The following SLAMF7 variants were observed in gnomAD, a reference collection of about 807,000 sequenced individuals.
The protein encoded by SLAMF7 is SLAM family member 7.
A neutral mutation model predicts 34.1 loss-of-function variants in SLAMF7; 26 were observed. The ratio of observed to expected loss-of-function variants is 0.76; its 90% confidence interval spans 0.56 to 1.06. The LOEUF is 1.06. Ranked by LOEUF, SLAMF7 falls within the 50% of genes least tolerant of loss-of-function variation. The pLI, the probability that SLAMF7 is intolerant of heterozygous loss-of-function variation, is 0.00. For synonymous variants in SLAMF7, 171 were observed against 156.4 expected (o/e 1.09, Z -0.70); for missense variants, 399 against 402.5 (o/e 0.99, Z 0.07).
chr1:160,740,277 T>G (rs1663627310), intron 1 of SLAMF7, among the ~76,000 whole-genome samples: 1 of 96,906 alleles, frequency 1.0e-5, no homozygotes. Flanking sequence ...GAATAGGCCC[T>G]CACTTTAAAA....
chr1:160,752,798 C>G (rs561965067), intron 6 of SLAMF7, among the ~76,000 whole-genome samples: 13 of 152,244 alleles, frequency 8.5e-5, no homozygotes, highest in Admixed American at 1.3e-4. Context: ...CTCTCCCAAA[C>G]AGATCCAAAA....
rs773942937 is a variant in SLAMF7, at chr1:160,748,256, C to T, written c.118C>T (p.Pro40Ser). ...VGSVGGAVTF[P>S]LKSKVKQVDS... Reference sequence around the variant, plus strand: ...TTCCGTTGGTGGGGCCGTGACTTTCCCCCTGAAGTCCAAAGTAAAGCAAGT... The same window carrying T: ...TTCCGTTGGTGGGGCCGTGACTTTCTCCCTGAAGTCCAAAGTAAAGCAAGT... Residue 40 changes from proline to serine, a missense_variant, in exon 2 of 7, where the codon CCC becomes TCC. Transcript: ENST00000368043. 13 of 1,613,900 alleles carry T rather than the reference C, an allele frequency of 8.1e-6. No individual in the cohort carries two copies. In the South Asian group the frequency reaches 1.3e-4, roughly 16 times the overall value.
At chr1:160,747,344 A>G (rs529323875) in intron 1 of SLAMF7, among the ~76,000 whole-genome samples, 1 of 152,240 alleles carries the variant, frequency 6.6e-6, no homozygotes, top group Admixed American at 6.5e-5. Context: ...CCTGATCCGT[A>G]AGATAGGGAT....
chr1:160,749,692 C>T (rs550483780), intron 2 of SLAMF7, 129 bp from the exon 3 acceptor site: 1 of 730,674 alleles, frequency 1.4e-6, no homozygotes, highest in African/African-American at 1.7e-5. Context: ...GAGGATTCTG[C>T]TCTGAATTAC....
chr1:160,750,565 C>G (rs1664489392), intron 4 of SLAMF7, 142 bp downstream of exon 4: 3 of 972,986 alleles, frequency 3.1e-6, no homozygotes, highest in Admixed American at 2.4e-5. Flanking sequence ...TCTCTGCCCT[C>G]AAGAAGCATA....
At chr1:160,751,676 G>A in intron 5 of SLAMF7, 1 of 467,784 alleles carries the variant, frequency 2.1e-6, no homozygotes, top group South Asian at 2.7e-5. Flanking sequence ...CTCATGCTGT[G>A]GTCTGTGAAA....
chr1:160,751,665 G>A, intron 5 of SLAMF7: 2 of 497,490 alleles, frequency 4.0e-6, no homozygotes, highest in South Asian at 4.8e-5. Flanking sequence ...GACTCACAAT[G>A]CTCATGCTGT....
Position 160,753,405 on chromosome 1 carries a change from C to A in SLAMF7, c.*228C>A. On this transcript the variant is annotated 3_prime_UTR_variant, in exon 7 of 7. Coordinates refer to ENST00000368043, the MANE Select transcript of SLAMF7 (RefSeq NM_021181.5). ...ACCCAGAAGGTTTAATCACTTCATC[C>A]CAAAAATGGGATTGTGAATGTCAGC... The A allele has an allele frequency of 5.7e-6, 3 of 528,192 alleles. No homozygotes were observed. Among genetic ancestry groups the A allele is most frequent in the Non-Finnish European group, 3.4e-6 (1 of 298,248 alleles). 32.7% of individuals were successfully genotyped at this position (528,192 alleles called of 1,614,324 possible). A position where few individuals can be genotyped will look rare whatever the true frequency, so the allele number is the denominator to read the frequency against.
At chr1:160,745,505 A>G (rs948370352) in intron 1 of SLAMF7, among the ~76,000 whole-genome samples, 5 of 152,210 alleles carry the variant, frequency 3.3e-5, no homozygotes, top group African/African-American at 1.2e-4. Flanking sequence ...TGGATAAGTT[A>G]CTTAGCTGTT....
chr1:160,751,937 T>C (rs945972797), intron 5 of SLAMF7: 1 of 217,354 alleles, frequency 4.6e-6, no homozygotes, highest in Admixed American at 5.6e-5. Flanking sequence ...TTGAAATTCA[T>C]TTTAACACAG....
Position 160,739,259 on chromosome 1 carries a change from AG to A in SLAMF7, c.-40del. 6.3e-7 allele frequency: 1 copy of A among 1,577,604 alleles called. No individual in the cohort carries two copies. Among genetic ancestry groups the A allele is most frequent in the Non-Finnish European group, 8.7e-7 (1 of 1,146,854 alleles). ...GGAAGAGGTCTGAGTAATACCTAAG[AG>A]GGAAGTGGCTTCATTTCAGTGGCTG... On this transcript the variant is annotated 5_prime_UTR_variant, in exon 1 of 7. Transcript: ENST00000368043.
At position 160,750,393 on chromosome 1, in the gene SLAMF7, C is replaced by A. The variant is rs746119808; in HGVS notation, c.739C>A (p.Leu247Ile). Residue 247 changes from leucine to isoleucine, a missense_variant, in exon 4 of 7, where the codon CTT becomes ATT. Physicochemically the swap from Leu to Ile is conservative, Grantham distance 5. Coordinates refer to ENST00000368043, the MANE Select transcript of SLAMF7 (RefSeq NM_021181.5). ...LLSLFVLGLF[L>I]WFLKRERQEE... is the part of the protein sequence containing the mutation. ...CAGTCTCTTTGTACTGGGGCTATTTCTTTGGTTTCTGAAGAGAGAGAGACA... is the reference window on the plus strand; with the variant it reads ...CAGTCTCTTTGTACTGGGGCTATTTATTTGGTTTCTGAAGAGAGAGAGACA... The A allele has an allele frequency of 6.2e-7, 1 of 1,614,024 alleles. No homozygotes were observed. The highest frequency in any genetic ancestry group is 1.1e-5 in the South Asian group (1 of 91,080).
At chr1:160,748,591 C>A in intron 2 of SLAMF7, 77 bp downstream of exon 2, 1 of 1,346,704 alleles carries the variant, frequency 7.4e-7, no homozygotes, top group Non-Finnish European at 1.0e-6. Context: ...GATGTTTAAG[C>A]AGAGGCTGAA....
chr1:160,740,675 C>G (rs796159362), intron 1 of SLAMF7, among the ~76,000 whole-genome samples: 3 of 152,302 alleles, frequency 2.0e-5, no homozygotes, highest in African/African-American at 7.2e-5. Context: ...AGAATGAAAT[C>G]TAAGTTGCAG....
At chr1:160,752,308 T>C in intron 6 of SLAMF7, 60 bp downstream of exon 6, 1 of 1,445,040 alleles carries the variant, frequency 6.9e-7, no homozygotes, top group Admixed American at 1.8e-5. Flanking sequence ...CTGCTTCATG[T>C]TTAGGTCAAA....
chr1:160,753,179 C>T lies in SLAMF7; in HGVS notation c.*2C>T. On this transcript the variant is annotated 3_prime_UTR_variant, in exon 7 of 7. Coordinates refer to ENST00000368043, the MANE Select transcript of SLAMF7 (RefSeq NM_021181.5). The stretch of plus-strand genomic sequence containing the variant: ...TTTGCCTATGAGAATGTTATCTAGA[C>T]AGCAGTGCACTCCCCTAAGTCTCTG... 1 of 1,610,176 alleles carries T rather than the reference C, an allele frequency of 6.2e-7. No individual in the cohort carries two copies. The highest frequency in any genetic ancestry group is 1.1e-5 in the South Asian group (1 of 91,020).
intron 1 of SLAMF7, among the ~76,000 whole-genome samples, chr1:160,742,282 C>T (rs1663809650): frequency 1.3e-5 from 2 of 152,174 alleles, no homozygotes; most frequent in South Asian, 2.1e-4. Context: ...GATGCAAAGA[C>T]ATCTGAGTCT....
chr1:160,750,160 C>A, intron 3 of SLAMF7, 67 bp downstream of exon 3: 1 of 1,581,730 alleles, frequency 6.3e-7, no homozygotes, highest in Non-Finnish European at 8.6e-7. Flanking sequence ...GCTCCTAGCC[C>A]CCATGGGAAC....
At chr1:160,750,159 C>A (rs1419461328) in intron 3 of SLAMF7, 66 bp downstream of exon 3, 1 of 1,582,844 alleles carries the variant, frequency 6.3e-7, no homozygotes, top group Admixed American at 1.8e-5. Flanking sequence ...AGCTCCTAGC[C>A]CCCATGGGAA....
Sources: gnomAD v4.1 joint callset for allele counts (sites outside exome capture counted in the v4.1 genomes callset) on GRCh38, gnomAD v4.1.1 for gene constraint, MANE v1.5 for transcripts, NCBI Gene and HGNC (gene_info 2026-07-23, HGNC 2026-07-21) for gene names.